The following UNC13C variants were observed in gnomAD, a reference collection of about 807,000 sequenced individuals.
UNC13C encodes unc-13 homolog C, also known as protein unc-13 homolog C.
Under a neutral mutation model 245.4 loss-of-function variants are expected in UNC13C, and 174 were observed. That is an observed-to-expected ratio of 0.71 (90% confidence interval 0.63 to 0.80). UNC13C has a LOEUF of 0.80. UNC13C is among the 30% of genes least tolerant of loss of function. The probability of loss-of-function intolerance (pLI) is 0.00; values close to 1 mark genes in which losing one functional copy is unlikely to be tolerated. For missense variants in UNC13C, 2,829 were observed against 2,602.9 expected (o/e 1.09, Z -1.89); for synonymous variants, 992 against 895.1 (o/e 1.11, Z -1.93).
intron 2 of UNC13C, among the ~76,000 whole-genome samples, chr15:54,094,703 G>A (rs555515518): frequency 3.4e-4 from 51 of 152,140 alleles, no homozygotes; most frequent in East Asian, 2.9e-3. Context: ...CAATTAAAGC[G>A]CTCACTCCTA....
intron 19 of UNC13C, among the ~76,000 whole-genome samples, chr15:54,489,447 T>C (rs1893590622): frequency 6.6e-6 from 1 of 152,224 alleles, no homozygotes; most frequent in Admixed American, 6.5e-5. Flanking sequence ...GTTACACTGA[T>C]ACAGTTCCAA....
intron 30 of UNC13C, among the ~76,000 whole-genome samples, chr15:54,583,092 T>TGATG (rs1441198074): frequency 6.6e-6 from 1 of 152,122 alleles, no homozygotes; most frequent in Non-Finnish European, 1.5e-5. Flanking sequence ...CAGGCACAAC[T>TGATG]GATGGTGCTG....
At chr15:54,551,082 A>G (rs1441601517) in intron 28 of UNC13C, among the ~76,000 whole-genome samples, 1 of 152,140 alleles carries the variant, frequency 6.6e-6, no homozygotes, top group Non-Finnish European at 1.5e-5. Context: ...ATGAAATTTT[A>G]TAGTCCAGGG....
intron 28 of UNC13C, among the ~76,000 whole-genome samples, chr15:54,552,453 TATAATTATATATTACAATATATA>T (rs1953463549): frequency 3.8e-5 from 2 of 52,296 alleles, no homozygotes; most frequent in Admixed American, 3.7e-4. Flanking sequence ...CAATATATAA[TATAATTATATATTACAATATATA>T]ATATAATTAT....
intron 30 of UNC13C, among the ~76,000 whole-genome samples, chr15:54,612,079 T>C (rs979538502): frequency 3.3e-5 from 5 of 152,162 alleles, no homozygotes; most frequent in African/African-American, 9.6e-5. Context: ...CTGTCACATA[T>C]ATTTTGAATA....
At chr15:54,410,116 G>A (rs1035428320) in intron 18 of UNC13C, among the ~76,000 whole-genome samples, 1 of 152,094 alleles carries the variant, frequency 6.6e-6, no homozygotes, top group African/African-American at 2.4e-5. Context: ...CTGCATTTCC[G>A]TAATGATTAG....
intron 19 of UNC13C, among the ~76,000 whole-genome samples, chr15:54,483,576 A>G (rs754291240): frequency 6.6e-6 from 1 of 152,072 alleles, no homozygotes; most frequent in Non-Finnish European, 1.5e-5. Context: ...GCTCACTGCA[A>G]CGTCCACCTC....
intron 8 of UNC13C, among the ~76,000 whole-genome samples, chr15:54,257,500 G>A (rs940880296): frequency 6.6e-6 from 1 of 152,188 alleles, no homozygotes; most frequent in African/African-American, 2.4e-5. Context: ...GATGGTACAG[G>A]CAGAAGAGAA....
At chr15:54,033,146 T>A (rs915517629) in intron 2 of UNC13C, among the ~76,000 whole-genome samples, 13 of 152,132 alleles carry the variant, frequency 8.5e-5, no homozygotes, top group Middle Eastern at 3.4e-3. Flanking sequence ...ATAAAAAAAA[T>A]TTAAGATGTT....
chr15:54,320,008 C>T (rs576910036), intron 13 of UNC13C, among the ~76,000 whole-genome samples: 2 of 152,084 alleles, frequency 1.3e-5, no homozygotes, highest in Admixed American at 1.3e-4. Flanking sequence ...TCTGTTCTCA[C>T]TATTCATCTG....
chr15:54,095,095 T>C (rs1161695050), intron 2 of UNC13C, among the ~76,000 whole-genome samples: 3 of 152,156 alleles, frequency 2.0e-5, no homozygotes, highest in African/African-American at 2.4e-5. Context: ...ATTTGTCCAA[T>C]GAACTCTGGG....
chr15:53,908,502 G>C, the UNC13C span, among the ~76,000 whole-genome samples: 1 of 145,482 alleles, frequency 6.9e-6, no homozygotes, highest in Non-Finnish European at 1.5e-5. Context: ...ACTTTAGGAG[G>C]CTGAGGTGGA....
At chr15:53,976,491 T>C (rs1893708592), upstream of UNC13C, among the ~76,000 whole-genome samples, 1 of 138,898 alleles carries the variant, frequency 7.2e-6, no homozygotes, top group African/African-American at 2.6e-5. Flanking sequence ...TTTTTTTTTT[T>C]TTTTCAGTCT....
chr15:54,557,660 A>G (rs1199747000), intron 29 of UNC13C, among the ~76,000 whole-genome samples: 1 of 151,934 alleles, frequency 6.6e-6, no homozygotes, highest in Non-Finnish European at 1.5e-5. Flanking sequence ...GACGCTACCC[A>G]TGCTAATTTC....
At chr15:54,004,845 A>T (rs975282742) in intron 1 of UNC13C, among the ~76,000 whole-genome samples, 1 of 152,076 alleles carries the variant, frequency 6.6e-6, no homozygotes, top group Admixed American at 6.5e-5. Flanking sequence ...CCCATTTTTA[A>T]ATTGGATTAT....
intron 2 of UNC13C, among the ~76,000 whole-genome samples, chr15:54,033,329 A>C (rs867624667): frequency 1.3e-5 from 2 of 152,294 alleles, no homozygotes; most frequent in South Asian, 4.1e-4. Flanking sequence ...ATTTTGGAAG[A>C]GGTTAGAGAA....
the UNC13C span, among the ~76,000 whole-genome samples, chr15:53,969,127 T>G: frequency 1.6e-4 from 25 of 152,168 alleles, no homozygotes; most frequent in African/African-American, 6.0e-4. Flanking sequence ...CAGAGATCTA[T>G]CCACAGATAG....
intron 10 of UNC13C, among the ~76,000 whole-genome samples, chr15:54,290,770 T>C (rs1441397687): frequency 6.6e-6 from 1 of 152,122 alleles, no homozygotes; most frequent in South Asian, 2.1e-4. Flanking sequence ...ATGAGATGGA[T>C]ATTTTTTCTT....
At chr15:53,838,789 T>C in the UNC13C span, among the ~76,000 whole-genome samples, 3 of 152,024 alleles carry the variant, frequency 2.0e-5, no homozygotes, top group Non-Finnish European at 4.4e-5. Flanking sequence ...GAAGAGCTTG[T>C]TAAAACATGT....
Sources: allele counts gnomAD v4.1 joint callset (sites outside exome capture counted in the v4.1 genomes callset), GRCh38; gene constraint gnomAD v4.1.1; transcripts MANE v1.5; gene names NCBI Gene and HGNC (gene_info 2026-07-23, HGNC 2026-07-21).